The following CDH13 variants were observed in gnomAD, a reference collection of about 807,000 sequenced individuals.
CDH13 encodes the protein cadherin 13, also known as cadherin-13.
In CDH13, 24 loss-of-function variants were observed where a neutral mutation model predicts 63.8. That is an observed-to-expected ratio of 0.38 (90% CI 0.27 to 0.53). The LOEUF is 0.53. CDH13 is among the 20% of genes least tolerant of loss of function. The pLI, the probability that CDH13 is intolerant of heterozygous loss-of-function variation, is 0.85. For missense variants in CDH13, 1,049 were observed against 903.1 expected, an observed-to-expected ratio of 1.16 and a Z score of -2.07; for synonymous variants, 503 against 355.3, an observed-to-expected ratio of 1.42 and a Z score of -4.67.
In CDH13 at chr16:83,634,115, T is replaced by TTG. The variant is rs1454869281; in HGVS notation, c.1101+31522_1101+31523insGT. Reference sequence around the variant, plus strand: ...AAGTCTCCACCCATTTTTGTGTGTTTTCTGTGTGTGTGTGTGTGTATGTGT... The same window carrying TTG: ...AAGTCTCCACCCATTTTTGTGTGTTTTGTCTGTGTGTGTGTGTGTGTATGTGT... On this transcript the variant is annotated intron_variant, in intron 8 of 13. Transcript: ENST00000567109. Among the ~76,000 whole-genome samples the TTG allele has an allele frequency of 6.8e-3, 919 of 135,774 alleles. 5 individuals carry two copies. The highest frequency in any genetic ancestry group is 0.022 in the Middle Eastern group (6 of 270). The allele number at this position is 135,774 out of a possible 152,430, so 89.1% of individuals were successfully genotyped here.
chr16:83,733,110 A>G (rs454274), intron 10 of CDH13, among the ~76,000 whole-genome samples: 118,058 of 152,158 alleles, frequency 0.78, 46,170 homozygotes, highest in Middle Eastern at 0.82. Flanking sequence ...CCCTAACAGA[A>G]TACTGGGAAG....
At chr16:82,961,974 G>T (rs1907083513) in intron 2 of CDH13, among the ~76,000 whole-genome samples, 1 of 152,174 alleles carries the variant, frequency 6.6e-6, no homozygotes, top group Admixed American at 6.5e-5. Flanking sequence ...TAGGCTTATG[G>T]ATGCCATGGG....
intron 6 of CDH13, among the ~76,000 whole-genome samples, chr16:83,410,015 A>G (rs1251041290): frequency 6.6e-6 from 1 of 152,246 alleles, no homozygotes; most frequent in Non-Finnish European, 1.5e-5. Context: ...AACTTTTATC[A>G]AAATGTATTT....
At chr16:83,101,518 C>A (rs980037413) in intron 3 of CDH13, among the ~76,000 whole-genome samples, 1 of 151,312 alleles carries the variant, frequency 6.6e-6, no homozygotes, top group East Asian at 1.9e-4. Context: ...AGAGGCTGGG[C>A]GTGGTGGCTA....
chr16:83,793,267 G>A (rs1372447045), intron 13 of CDH13, among the ~76,000 whole-genome samples: 1 of 152,128 alleles, frequency 6.6e-6, no homozygotes, highest in Admixed American at 6.5e-5. Flanking sequence ...GTGCTTGCGA[G>A]GAGTAAGGTG....
chr16:83,051,533 A>G (rs1182896208), intron 3 of CDH13, among the ~76,000 whole-genome samples: 1 of 152,230 alleles, frequency 6.6e-6, no homozygotes, highest in African/African-American at 2.4e-5. Context: ...CATGGTGAAA[A>G]TAATGCTACA....
chr16:82,858,579 C>G (rs1666410495), intron 2 of CDH13, 106 bp downstream of exon 2: 1 of 828,060 alleles, frequency 1.2e-6, no homozygotes, highest in South Asian at 1.4e-5. Flanking sequence ...TAAGTGTTTT[C>G]TGATTATTTT....
chr16:83,290,551 G>A (rs1567568055), intron 5 of CDH13, among the ~76,000 whole-genome samples: 2 of 152,142 alleles, frequency 1.3e-5, no homozygotes. Context: ...CCCCACTCAT[G>A]TGGGACTATG....
chr16:83,298,232 G>C (rs1246518572), intron 5 of CDH13, among the ~76,000 whole-genome samples: 1 of 151,912 alleles, frequency 6.6e-6, no homozygotes, highest in Admixed American at 6.6e-5. Flanking sequence ...GAGAGAGCAA[G>C]GCCGTGTCAA....
intron 2 of CDH13, among the ~76,000 whole-genome samples, chr16:83,000,642 T>C (rs1912820190): frequency 6.7e-6 from 1 of 148,286 alleles, no homozygotes; most frequent in Non-Finnish European, 1.5e-5. Flanking sequence ...CAGGCTAGAG[T>C]GCAGTGGCGC....
At chr16:83,072,500 C>A (rs1244883794) in intron 3 of CDH13, among the ~76,000 whole-genome samples, 1 of 152,170 alleles carries the variant, frequency 6.6e-6, no homozygotes, top group Non-Finnish European at 1.5e-5. Flanking sequence ...GTCCTCTCTG[C>A]AACCAGCTGG....
intron 4 of CDH13, among the ~76,000 whole-genome samples, chr16:83,131,161 G>T (rs1341676770): frequency 6.7e-6 from 1 of 150,098 alleles, no homozygotes; most frequent in Non-Finnish European, 1.5e-5. Context: ...ATAGCAGGTG[G>T]GGAGTATAAG....
intron 10 of CDH13, among the ~76,000 whole-genome samples, chr16:83,717,459 T>C (rs188695574): frequency 2.0e-5 from 3 of 152,232 alleles, no homozygotes; most frequent in African/African-American, 7.2e-5. Flanking sequence ...TTCTTCTGTC[T>C]CAGGAAACAG....
At chr16:83,748,325 T>C (rs1912779830) in intron 11 of CDH13, 75 bp downstream of exon 11, 1 of 1,382,242 alleles carries the variant, frequency 7.2e-7, no homozygotes, top group Non-Finnish European at 9.9e-7. Flanking sequence ...AAATTTCTTC[T>C]GATACACCCA....
intron 4 of CDH13, among the ~76,000 whole-genome samples, chr16:83,166,717 C>T (rs551198141): frequency 5.3e-5 from 8 of 152,270 alleles, no homozygotes; most frequent in South Asian, 2.1e-4. Flanking sequence ...TTTTGAAGTT[C>T]ACTTTTAACT....
intron 2 of CDH13, among the ~76,000 whole-genome samples, chr16:82,897,068 C>G (rs2041296358): frequency 6.6e-6 from 1 of 152,052 alleles, no homozygotes; most frequent in African/African-American, 2.4e-5. Context: ...GCATGAGCCA[C>G]CGTGCCCTGC....
At chr16:82,659,353 G>C (rs1014102859) in intron 1 of CDH13, among the ~76,000 whole-genome samples, 1 of 152,198 alleles carries the variant, frequency 6.6e-6, no homozygotes, top group African/African-American at 2.4e-5. Context: ...ATCCTGGAAA[G>C]ACGGCCTTGC....
intron 5 of CDH13, among the ~76,000 whole-genome samples, chr16:83,245,576 A>G (rs892671156): frequency 6.6e-6 from 1 of 152,226 alleles, no homozygotes; most frequent in Non-Finnish European, 1.5e-5. Context: ...TGAAGGGGTC[A>G]TCTGTTAAGT....
At chr16:83,306,229 C>G (rs144306125) in intron 5 of CDH13, among the ~76,000 whole-genome samples, 1 of 152,182 alleles carries the variant, frequency 6.6e-6, no homozygotes, top group Non-Finnish European at 1.5e-5. Flanking sequence ...AGGGTAGGTA[C>G]CGTATCTGTG....
Sources: gnomAD v4.1 joint callset for allele counts (sites outside exome capture counted in the v4.1 genomes callset) on GRCh38, gnomAD v4.1.1 for gene constraint, MANE v1.5 for transcripts, NCBI Gene and HGNC (gene_info 2026-07-23, HGNC 2026-07-21) for gene names.